Variants in ADAP1 observed in about 807,000 individuals in gnomAD.
The protein encoded by ADAP1 is arf-GAP with dual PH domain-containing protein 1.
ADAP1 carries 31 observed loss-of-function variants against 54.9 expected under a neutral mutation model. The observed-to-expected ratio is 0.56, with a 90% CI of 0.42 to 0.76. The LOEUF (loss-of-function observed/expected upper bound fraction) is 0.76. Ranked by LOEUF, ADAP1 falls within the 30% of genes least tolerant of loss-of-function variation. The pLI, the probability that ADAP1 is intolerant of heterozygous loss-of-function variation, is 0.00. For synonymous variants in ADAP1, 313 were observed against 202.6 expected (o/e 1.55, Z -4.63); for missense variants, 535 against 512.4 (o/e 1.04, Z -0.42).
intron 2 of ADAP1, among the ~76,000 whole-genome samples, chr7:928,294 G>C (rs1273639565): frequency 6.6e-6 from 1 of 152,126 alleles, no homozygotes; most frequent in Non-Finnish European, 1.5e-5. Context: ...TTGAGCCCAA[G>C]AGGTCAAGGC....
At chr7:948,187 GCCATGTCTGTCCCTCCCTCCTCACC>G (rs1241310485) in intron 1 of ADAP1, among the ~76,000 whole-genome samples, 3 of 150,656 alleles carry the variant, frequency 2.0e-5, no homozygotes, top group African/African-American at 7.4e-5. Flanking sequence ...ACCTGACCCA[GCCATGTCTGTCCCTCCCTCCTCACC>G]CCATGTCTGC....
At position 897,952 on chromosome 7, in the gene ADAP1, A is replaced by G. The variant is rs1437323538; in HGVS notation, c.*969T>C. ...TCCAGGATGCGACACGGGGCGGCGG[A>G]TGCCTGGCCTCGGAAACCCCCTCCC... On this transcript the variant is annotated 3_prime_UTR_variant, in exon 11 of 11. Transcript: ENST00000265846. The G allele has an allele frequency of 7.2e-5, 11 of 152,190 alleles. No homozygotes were observed. Among genetic ancestry groups the G allele is most frequent in the Admixed American group, 7.2e-4 (11 of 15,286 alleles). The allele number at this position is 152,190 out of a possible 1,614,324, so 9.4% of individuals were successfully genotyped here.
chr7:943,101 GGA>G (rs1376829340), intron 1 of ADAP1, among the ~76,000 whole-genome samples: 2 of 25,284 alleles, frequency 7.9e-5, no homozygotes, highest in African/African-American at 2.4e-4. Flanking sequence ...GATGAGGAAG[GGA>G]GAGAGGAGGA....
intron 2 of ADAP1, among the ~76,000 whole-genome samples, chr7:934,387 GA>G (rs397889823): frequency 5.0e-5 from 5 of 99,212 alleles, no homozygotes; most frequent in African/African-American, 7.3e-5. Context: ...AGTGGTGTTG[GA>G]GAGGGGGGGC....
intron 1 of ADAP1, among the ~76,000 whole-genome samples, chr7:953,785 C>T (rs1024567343): frequency 1.4e-4 from 22 of 152,230 alleles, no homozygotes; most frequent in African/African-American, 5.3e-4. Flanking sequence ...GATGCCCGGC[C>T]GGGAGAACGA....
intron 8 of ADAP1, 26 bp from the exon 9 acceptor site, chr7:899,516 C>A: frequency 6.2e-7 from 1 of 1,608,000 alleles, no homozygotes; most frequent in Non-Finnish European, 8.5e-7. Flanking sequence ...GGCCCGTGAC[C>A]GGCAGGTCGC....
intron 1 of ADAP1, among the ~76,000 whole-genome samples, chr7:952,474 G>A (rs1847295026): frequency 6.6e-6 from 1 of 152,138 alleles, no homozygotes; most frequent in South Asian, 2.1e-4. Flanking sequence ...GCCACAGCAG[G>A]TACAGGAGGC....
chr7:909,816 T>G, intron 4 of ADAP1, among the ~76,000 whole-genome samples: 1 of 151,978 alleles, frequency 6.6e-6, no homozygotes, highest in East Asian at 1.9e-4. Flanking sequence ...CGCGCCCTGC[T>G]GTGAGCTGGT....
At chr7:954,748 G>T (rs989991069), upstream of ADAP1, 23 of 975,690 alleles carry the variant, frequency 2.4e-5, no homozygotes, top group African/African-American at 4.1e-4. Flanking sequence ...CCCCAGCGGT[G>T]CAGGCGAGCG....
chr7:935,153 C>T, intron 2 of ADAP1: 1 of 692,342 alleles, frequency 1.4e-6, no homozygotes, highest in Non-Finnish European at 2.6e-6. Context: ...ACACCTGGAG[C>T]TGCTCACAGA....
At chr7:909,600 A>T (rs893335256) in intron 4 of ADAP1, among the ~76,000 whole-genome samples, 4 of 152,080 alleles carry the variant, frequency 2.6e-5, no homozygotes, top group African/African-American at 4.8e-5. Context: ...CTCGCTGGGG[A>T]GGGCCAGGAC....
intron 2 of ADAP1, among the ~76,000 whole-genome samples, chr7:933,463 C>T (rs1846647203): frequency 1.1e-5 from 1 of 93,554 alleles, no homozygotes; most frequent in Non-Finnish European, 2.6e-5. Context: ...CAACCAGGGG[C>T]AGGGGTCAGT....
chr7:899,606 TTCAC>T (rs1018073869), intron 8 of ADAP1, 116 bp from the exon 9 acceptor site: 58 of 1,202,338 alleles, frequency 4.8e-5, no homozygotes, highest in Non-Finnish European at 6.0e-5. Context: ...GTCACCTCCA[TTCAC>T]TCACGCCTGC....
chr7:904,393 T>A (rs1330861335), intron 5 of ADAP1, 121 bp from the exon 6 acceptor site: 9 of 1,311,560 alleles, frequency 6.9e-6, no homozygotes, highest in African/African-American at 1.5e-5. Context: ...TTTGGGCAAG[T>A]TACTTAAGCG....
chr7:900,801 G>A, intron 6 of ADAP1, 185 bp from the exon 7 acceptor site: 1 of 654,746 alleles, frequency 1.5e-6, no homozygotes, highest in Non-Finnish European at 2.8e-6. Context: ...TGAGGCCGGG[G>A]CTGCTACACA....
Position 900,882 on chromosome 7 carries a change from AAG to A in ADAP1, c.649-268_649-267del, listed in dbSNP as rs1844771848. ...AGTCCTGAGAAGGGCCGAAGGGCCG[AAG>A]GGCCGGGCCGGGCCGGGCTGGACAG... On this transcript the variant is annotated intron_variant, in intron 6 of 10. Coordinates refer to ENST00000265846, the MANE Select transcript of ADAP1 (RefSeq NM_006869.4). 8.1e-6 allele frequency: 3 copies of A among 370,170 alleles called. No homozygotes were observed. The African/African-American group carries it at 1.1e-4, about 14-fold the overall frequency. The allele number at this position is 370,170 out of a possible 1,614,324, so 22.9% of individuals were successfully genotyped here. A position where few individuals can be genotyped will look rare whatever the true frequency, so the allele number is the denominator to read the frequency against.
At chr7:941,636 G>C (rs1372963722) in intron 1 of ADAP1, among the ~76,000 whole-genome samples, 1 of 152,184 alleles carries the variant, frequency 6.6e-6, no homozygotes, top group African/African-American at 2.4e-5. Flanking sequence ...ATTGCTCAGA[G>C]AAATTAAAGA....
Position 926,359 on chromosome 7 carries a change from C to CA in ADAP1, c.305+193_305+194insT, listed in dbSNP as rs55956927. ...TTCCCAGCCCCACCCCAGCGCCCCC[C>CA]GCCCCAGAACCAAAGCCCGGTGGTG... On this transcript the variant is annotated intron_variant, in intron 3 of 10. Transcript: ENST00000265846. This position sits in a 1 kb window ranked among gnomAD's most constrained non-coding sequence, Gnocchi z 4.6. Among the ~76,000 whole-genome samples, 1 of 150,614 alleles carries CA rather than the reference C, an allele frequency of 6.6e-6. No homozygotes were observed. The highest frequency in any genetic ancestry group is 2.4e-5 in the African/African-American group (1 of 41,050).
At position 904,115 on chromosome 7, in the gene ADAP1, C is replaced by T. The variant is rs1335487259; in HGVS notation, c.648+11G>A. On this transcript the variant is annotated intron_variant, in intron 6 of 10. Coordinates refer to ENST00000265846, the MANE Select transcript of ADAP1 (RefSeq NM_006869.4). ...TGTGCCACCCGGGCCCGAGTGCTCG[C>T]CAGCACCCACCTTCCCGTCCTCATG... 2 of 1,611,726 alleles carry T rather than the reference C, an allele frequency of 1.2e-6. No individual in the cohort carries two copies. Among genetic ancestry groups the T allele is most frequent in the African/African-American group, 2.7e-5 (2 of 74,884 alleles).
Sources: gnomAD v4.1 joint callset for allele counts (sites outside exome capture counted in the v4.1 genomes callset) on GRCh38, gnomAD v4.1.1 for gene constraint, Gnocchi (gnomAD v3.1) non-coding constraint, MANE v1.5 for transcripts, NCBI Gene and HGNC (gene_info 2026-07-23, HGNC 2026-07-21) for gene names.